Variants in CTNNA2 observed in about 807,000 individuals in gnomAD.
The protein encoded by CTNNA2 is catenin alpha 2.
A neutral mutation model predicts 101.0 loss-of-function variants in CTNNA2; 42 were observed. That is an observed-to-expected ratio of 0.42 (90% CI 0.32 to 0.54). The LOEUF (loss-of-function observed/expected upper bound fraction) is 0.54. CTNNA2 is among the 20% of genes least tolerant of loss of function. The pLI is 0.14. For synonymous variants in CTNNA2, 450 were observed against 456.4 expected (o/e 0.99, Z 0.18); for missense variants, 871 against 1,223.1 (o/e 0.71, Z 4.29).
At chr2:79,638,774 TATA>T (rs1426423142) in intron 1 of CTNNA2, among the ~76,000 whole-genome samples, 1 of 151,818 alleles carries the variant, frequency 6.6e-6, no homozygotes, top group Non-Finnish European at 1.5e-5. Flanking sequence ...TAAAATAAAA[TATA>T]ATAATTCACT....
At chr2:79,788,529 A>G (rs1025083778) in intron 3 of CTNNA2, among the ~76,000 whole-genome samples, 7 of 152,212 alleles carry the variant, frequency 4.6e-5, no homozygotes, top group African/African-American at 1.7e-4. Flanking sequence ...TGCAGAAAAC[A>G]TACTGCACTC....
chr2:79,414,520 T>C (rs1227178996), intron 4 of CTNNA2, among the ~76,000 whole-genome samples: 1 of 152,098 alleles, frequency 6.6e-6, no homozygotes. Context: ...AATTCTATAG[T>C]ATAGAAAACT....
intron 7 of CTNNA2, among the ~76,000 whole-genome samples, chr2:80,353,105 G>T (rs1295835634): frequency 6.6e-6 from 1 of 151,996 alleles, no homozygotes; most frequent in African/African-American, 2.4e-5. Flanking sequence ...AAAATGCTCA[G>T]GTCCTAGAGC....
At chr2:80,416,669 T>A (rs963476997) in intron 8 of CTNNA2, among the ~76,000 whole-genome samples, 15 of 152,090 alleles carry the variant, frequency 9.9e-5, no homozygotes, top group Admixed American at 2.0e-4. Context: ...GTAATATGTC[T>A]TTATTGTCAG....
intron 1 of CTNNA2, among the ~76,000 whole-genome samples, chr2:79,515,913 C>A (rs1671784907): frequency 6.6e-6 from 1 of 152,190 alleles, no homozygotes; most frequent in Non-Finnish European, 1.5e-5. Flanking sequence ...TCCCTCAGAG[C>A]TCTTAACACC....
chr2:79,520,771 G>A (rs1415100755), intron 1 of CTNNA2, among the ~76,000 whole-genome samples: 2 of 152,020 alleles, frequency 1.3e-5, no homozygotes, highest in Admixed American at 1.3e-4. Context: ...TAAAACCACA[G>A]TGTGATACCA....
chr2:80,106,319 G>T (rs539025676), intron 7 of CTNNA2, among the ~76,000 whole-genome samples: 1 of 152,224 alleles, frequency 6.6e-6, no homozygotes, highest in South Asian at 2.1e-4. Flanking sequence ...GTTTTTCCTG[G>T]GCTGAGCTTC....
intron 2 of CTNNA2, among the ~76,000 whole-genome samples, chr2:79,681,189 A>G (rs1408331340): frequency 1.3e-5 from 2 of 152,142 alleles, no homozygotes; most frequent in Non-Finnish European, 1.5e-5. Flanking sequence ...TCACTTTCCT[A>G]TCATCCATCA....
intron 1 of CTNNA2, among the ~76,000 whole-genome samples, chr2:79,588,527 A>G (rs1676640640): frequency 1.3e-5 from 2 of 152,224 alleles, no homozygotes; most frequent in African/African-American, 2.4e-5. Context: ...TAACTAAATG[A>G]TATCTTTGAA....
chr2:79,623,958 G>T (rs7424347), intron 1 of CTNNA2, among the ~76,000 whole-genome samples: 1 of 152,104 alleles, frequency 6.6e-6, no homozygotes, highest in Non-Finnish European at 1.5e-5. Context: ...ATTTGCGAAA[G>T]AATTCTTGAG....
chr2:79,436,825 G>A (rs1041798007), intron 4 of CTNNA2, among the ~76,000 whole-genome samples: 1 of 151,990 alleles, frequency 6.6e-6, no homozygotes, highest in African/African-American at 2.4e-5. Context: ...TAGAGATGGG[G>A]TGTCACCGTT....
In CTNNA2 at chr2:79,240,228, T is replaced by A. The variant is rs199528534; in HGVS notation, c.-406+42152T>A. On this transcript the variant is annotated intron_variant, in intron 2 of 21. Coordinates refer to the CTNNA2 transcript ENST00000466387. The stretch of plus-strand genomic sequence containing the variant: ...TGGCACAGTTTTCTTTTTTTTTTTT[T>A]AAACTTTTAATTTCTGGGGTACATG... Among the ~76,000 whole-genome samples, 586 of 150,454 alleles carry A rather than the reference T, an allele frequency of 3.9e-3. 10 individuals carry two copies. In the East Asian group the frequency reaches 0.062, roughly 16 times the overall value.
At chr2:79,407,547 C>A (rs937620639) in intron 4 of CTNNA2, among the ~76,000 whole-genome samples, 14 of 151,946 alleles carry the variant, frequency 9.2e-5, no homozygotes, top group African/African-American at 3.1e-4. Context: ...CTTATCTATC[C>A]TGTAAGTTAC....
intron 18 of CTNNA2, among the ~76,000 whole-genome samples, chr2:80,631,413 G>T (rs1000228357): frequency 6.7e-6 from 1 of 149,676 alleles, no homozygotes; most frequent in African/African-American, 2.5e-5. Context: ...AGTCCGCTGA[G>T]GATTCGATTC....
At chr2:79,407,228 T>C (rs1470753436) in intron 4 of CTNNA2, among the ~76,000 whole-genome samples, 1 of 152,034 alleles carries the variant, frequency 6.6e-6, no homozygotes, top group Non-Finnish European at 1.5e-5. Flanking sequence ...CAAAACTGCT[T>C]ACTGACCACT....
At chr2:79,919,773 T>C (rs1463691631) in intron 7 of CTNNA2, among the ~76,000 whole-genome samples, 1 of 152,190 alleles carries the variant, frequency 6.6e-6, no homozygotes, top group African/African-American at 2.4e-5. Context: ...AAAGATAAGC[T>C]CCCTTGCTGG....
intron 1 of CTNNA2, among the ~76,000 whole-genome samples, chr2:79,551,791 G>T (rs1265099779): frequency 6.6e-6 from 1 of 152,128 alleles, no homozygotes; most frequent in Non-Finnish European, 1.5e-5. Context: ...GGAGGAAGAA[G>T]GGAGTGGGAG....
chr2:80,505,946 G>A (rs1280324139), intron 9 of CTNNA2, among the ~76,000 whole-genome samples: 2 of 152,172 alleles, frequency 1.3e-5, no homozygotes, highest in Non-Finnish European at 2.9e-5. Flanking sequence ...GATATGTGGA[G>A]AATTTTCATC....
chr2:79,926,032 C>T (rs2104399328), intron 7 of CTNNA2, among the ~76,000 whole-genome samples: 1 of 152,186 alleles, frequency 6.6e-6, no homozygotes, highest in East Asian at 1.9e-4. Flanking sequence ...CAGACCTATC[C>T]TGAAATATCC....
Sources: allele counts gnomAD v4.1 joint callset (sites outside exome capture counted in the v4.1 genomes callset), GRCh38; gene constraint gnomAD v4.1.1; transcripts MANE v1.5; gene names NCBI Gene and HGNC (gene_info 2026-07-23, HGNC 2026-07-21).